The following PHLDA2 variants were observed in gnomAD, a reference collection of about 807,000 sequenced individuals.
PHLDA2 encodes the protein pleckstrin homology like domain family A member 2, also known as pleckstrin homology-like domain family A member 2.
In PHLDA2, 5 loss-of-function variants were observed where a neutral mutation model predicts 5.9. The ratio of observed to expected loss-of-function variants is 0.85; its 90% confidence interval spans 0.44 to 1.78. The LOEUF is 1.78. Ranked by LOEUF, PHLDA2 falls within the 40% of genes most tolerant of loss-of-function variation. The probability of loss-of-function intolerance (pLI) is 0.02; values close to 1 mark genes in which losing one functional copy is unlikely to be tolerated. For synonymous variants in PHLDA2, 111 were observed against 102.7 expected, an observed-to-expected ratio of 1.08 and a Z score of -0.49; for missense variants, 216 against 228.3, an observed-to-expected ratio of 0.95 and a Z score of 0.35.
rs1008869086 is a variant in PHLDA2 at position 2,928,529 on chromosome 11, A to G, written c.*149T>C. 3.5e-6 allele frequency: 1 copy of G among 288,666 alleles called. No homozygotes were observed. The highest frequency in any genetic ancestry group is 5.2e-5 in the Admixed American group (1 of 19,172). The allele number at this position is 288,666 out of a possible 1,614,324, so 17.9% of individuals were successfully genotyped here. A position where few individuals can be genotyped will look rare whatever the true frequency, so the allele number is the denominator to read the frequency against. On this transcript the variant is annotated 3_prime_UTR_variant, in exon 2 of 2. Transcript: ENST00000314222. ...TACAAAGAACCAGCGAAATAAATAC[A>G]TAGATATTAGATAGTCCAATAACTT... is the stretch of plus-strand genomic sequence containing the variant.
Sources: allele counts gnomAD v4.1 joint callset, GRCh38; gene constraint gnomAD v4.1.1; transcripts MANE v1.5; gene names NCBI Gene and HGNC (gene_info 2026-07-23, HGNC 2026-07-21).